Variants in LRRC57 observed in about 807,000 individuals in gnomAD.
The protein encoded by LRRC57 is leucine rich repeat containing 57, also known as leucine-rich repeat-containing protein 57.
LRRC57 carries 14 observed loss-of-function variants against 23.1 expected under a neutral mutation model. The observed-to-expected ratio is 0.61, with a 90% CI of 0.40 to 0.95. The LOEUF is 0.95. Ranked by LOEUF, LRRC57 falls within the 40% of genes least tolerant of loss-of-function variation. The pLI is 0.00. For synonymous variants in LRRC57, 106 were observed against 115.2 expected, an observed-to-expected ratio of 0.92 and a Z score of 0.51; for missense variants, 236 against 284.4, an observed-to-expected ratio of 0.83 and a Z score of 1.22.
chr15:42,541,005 C>T lies in LRRC57; in HGVS notation c.*3078G>A, dbSNP rs2057625956. 2 of 150,392 alleles carry T rather than the reference C, an allele frequency of 1.3e-5. No individual in the cohort carries two copies. The highest frequency in any genetic ancestry group is 3.9e-4 in the East Asian group (2 of 5,112). The allele number at this position is 150,392 out of a possible 1,614,324, so 9.3% of individuals were successfully genotyped here. A position where few individuals can be genotyped will look rare whatever the true frequency, so the allele number is the denominator to read the frequency against. ...CAAGATCGCACCACTGCACTCCAGC[C>T]TGGGTGAAAGAATGAGACTCCGTCT... is the stretch of plus-strand genomic sequence containing the variant. On this transcript the variant is annotated 3_prime_UTR_variant, in exon 6 of 6. Coordinates refer to ENST00000397130, the MANE Select transcript of LRRC57 (RefSeq NM_153260.3).
downstream of LRRC57, chr15:42,532,863 CTCTT>C (rs2057579489): frequency 6.6e-6 from 1 of 152,648 alleles, no homozygotes; most frequent in Non-Finnish European, 1.5e-5. Flanking sequence ...TGATTACACA[CTCTT>C]TCTCTTACCC....
chr15:42,528,753 T>G, the LRRC57 span, among the ~76,000 whole-genome samples: 42 of 152,118 alleles, frequency 2.8e-4, no homozygotes, highest in African/African-American at 9.9e-4. Flanking sequence ...GCCCAGCTAA[T>G]TTTTGTATTT....
At chr15:42,531,863 G>A in the LRRC57 span, 1 of 156,544 alleles carries the variant, frequency 6.4e-6, no homozygotes, top group Non-Finnish European at 1.4e-5. Context: ...TGTGGTTGAG[G>A]GAAGGACAAG....
chr15:42,536,147 T>C (rs879779159), downstream of LRRC57, among the ~76,000 whole-genome samples: 1 of 148,358 alleles, frequency 6.7e-6, no homozygotes, highest in Non-Finnish European at 1.5e-5. Flanking sequence ...CCATCGGTGA[T>C]CACAGATCAC....
intron 5 of LRRC57, 53 bp from the exon 6 acceptor site, chr15:42,544,177 A>G: frequency 7.0e-7 from 1 of 1,420,730 alleles, no homozygotes. Context: ...GTAAATAAAT[A>G]TAAGCCTAAC....
chr15:42,534,806 G>T (rs1458300065), downstream of LRRC57, among the ~76,000 whole-genome samples: 2 of 152,150 alleles, frequency 1.3e-5, no homozygotes, highest in East Asian at 3.9e-4. Context: ...ATTTTGAAAA[G>T]AATACTTTTT....
chr15:42,546,865 CCT>C (rs1026194102), intron 4 of LRRC57, among the ~76,000 whole-genome samples: 1 of 152,188 alleles, frequency 6.6e-6, no homozygotes, highest in Non-Finnish European at 1.5e-5. Context: ...AACTGAATTA[CCT>C]CTGACTCCCG....
In LRRC57 at chr15:42,548,705, A is replaced by C. The variant is rs369304796; in HGVS notation, c.-35T>G. 1 of 628,832 alleles carries C rather than the reference A, an allele frequency of 1.6e-6. No homozygotes were observed. The highest frequency in any genetic ancestry group is 2.0e-5 in the South Asian group (1 of 50,738). The allele number at this position is 628,832 out of a possible 1,614,324, so 39.0% of individuals were successfully genotyped here. A position where few individuals can be genotyped will look rare whatever the true frequency, so the allele number is the denominator to read the frequency against. ...GCCCCGGACTCGCCTCCCACCGCTC[A>C]GCTGCCGTAAGGCTCCGCAGGTGAA... is the stretch of plus-strand genomic sequence containing the variant. On this transcript the variant is annotated 5_prime_UTR_variant, in exon 1 of 6. Transcript: ENST00000397130.
downstream of LRRC57, among the ~76,000 whole-genome samples, chr15:42,537,161 T>C (rs2057604115): frequency 6.6e-6 from 1 of 151,794 alleles, no homozygotes; most frequent in African/African-American, 2.4e-5. Flanking sequence ...GGAGGATCAC[T>C]TGGGCTCAGG....
rs1414386999 is a variant in LRRC57 at position 42,538,693 on chromosome 15, T to G, written c.*5390A>C. On this transcript the variant is annotated 3_prime_UTR_variant, in exon 6 of 6. Coordinates refer to ENST00000397130, the MANE Select transcript of LRRC57 (RefSeq NM_153260.3). The stretch of plus-strand genomic sequence containing the variant: ...AGTGCTTACTCTGTCATGGCCACTA[T>G]GCTAAGTGCTTTTATATAGTTTTTT... The G allele has an allele frequency of 1.3e-5, 2 of 152,268 alleles. No individual in the cohort carries two copies. Among genetic ancestry groups the G allele is most frequent in the Non-Finnish European group, 2.9e-5 (2 of 68,052 alleles). 9.4% of individuals were successfully genotyped at this position (152,268 alleles called of 1,614,324 possible). A position where few individuals can be genotyped will look rare whatever the true frequency, so the allele number is the denominator to read the frequency against.
chr15:42,544,842 C>CACTATATATATATATATATATATATA, intron 5 of LRRC57, among the ~76,000 whole-genome samples: 4 of 98,034 alleles, frequency 4.1e-5, no homozygotes, highest in African/African-American at 2.7e-4. Context: ...CACACACACA[C>CACTATATATATATATATATATATATA]TATATATATA....
At position 42,548,708 on chromosome 15, in the gene LRRC57, T is replaced by G; in HGVS notation, c.-38A>C. On this transcript the variant is annotated 5_prime_UTR_variant, in exon 1 of 6. Coordinates refer to ENST00000397130, the MANE Select transcript of LRRC57 (RefSeq NM_153260.3). ...CCGGACTCGCCTCCCACCGCTCAGC[T>G]GCCGTAAGGCTCCGCAGGTGAAGAC... 1.6e-6 allele frequency: 1 copy of G among 631,800 alleles called. No homozygotes were observed. The highest frequency in any genetic ancestry group is 2.7e-6 in the Non-Finnish European group (1 of 365,758). 39.1% of individuals were successfully genotyped at this position (631,800 alleles called of 1,614,324 possible).
Position 42,547,245 on chromosome 15 carries a change from C to T in LRRC57, c.492+16G>A. Reference sequence around the variant, plus strand: ...CACACATATGCTGTAGGAAAAAAAACCTTAAAGCTCTAGACCTGATTCTGG... The same window carrying T: ...CACACATATGCTGTAGGAAAAAAAATCTTAAAGCTCTAGACCTGATTCTGG... On this transcript the variant is annotated intron_variant, in intron 4 of 5. Coordinates refer to ENST00000397130, the MANE Select transcript of LRRC57 (RefSeq NM_153260.3). The T allele has an allele frequency of 1.2e-6, 2 of 1,609,556 alleles. No individual in the cohort carries two copies. The highest frequency in any genetic ancestry group is 1.7e-6 in the Non-Finnish European group (2 of 1,177,726).
At position 42,540,247 on chromosome 15, in the gene LRRC57, T is replaced by G. The variant is rs2057622185; in HGVS notation, c.*3836A>C. 1.3e-5 allele frequency: 2 copies of G among 150,142 alleles called. No individual in the cohort carries two copies. The allele number at this position is 150,142 out of a possible 1,614,324, so 9.3% of individuals were successfully genotyped here. A position where few individuals can be genotyped will look rare whatever the true frequency, so the allele number is the denominator to read the frequency against. On this transcript the variant is annotated 3_prime_UTR_variant, in exon 6 of 6. Transcript: ENST00000397130. ...ACTGAGTGAACAATACAGTTGGCCC[T>G]AAGTATCCATGGGTTCCACATCTGT...
At chr15:42,547,209 G>A in intron 4 of LRRC57, 52 bp downstream of exon 4, 1 of 1,570,362 alleles carries the variant, frequency 6.4e-7, no homozygotes, top group Non-Finnish European at 8.6e-7. Context: ...GGTATCAGGA[G>A]ACCTTAAAGC....
At chr15:42,531,103 T>C in the LRRC57 span, among the ~76,000 whole-genome samples, 3 of 152,206 alleles carry the variant, frequency 2.0e-5, no homozygotes, top group Non-Finnish European at 4.4e-5. Flanking sequence ...TCATATTTCA[T>C]TGCATCAAAA....
In LRRC57 at chr15:42,547,741, T is replaced by C. The variant is rs543985173; in HGVS notation, c.224-212A>G. The C allele has an allele frequency of 5.2e-6, 3 of 573,892 alleles. No homozygotes were observed. In the South Asian group the frequency reaches 7.3e-5, roughly 14 times the overall value. The allele number at this position is 573,892 out of a possible 1,614,324, so 35.5% of individuals were successfully genotyped here. A position where few individuals can be genotyped will look rare whatever the true frequency, so the allele number is the denominator to read the frequency against. ...TGCCGGAGAGCATTTGTGTGTATAA[T>C]GGGCTCCTTTTGTAAAGGGGCCCAA... is the stretch of plus-strand genomic sequence containing the variant. On this transcript the variant is annotated intron_variant, in intron 3 of 5. Transcript: ENST00000397130.
Position 42,548,774 on chromosome 15 carries a change from C to G in LRRC57, c.-104G>C. The G allele has an allele frequency of 1.1e-6, 1 of 874,120 alleles. No individual in the cohort carries two copies. The highest frequency in any genetic ancestry group is 1.8e-6 in the Non-Finnish European group (1 of 565,106). 54.1% of individuals were successfully genotyped at this position (874,120 alleles called of 1,614,324 possible). ...GCCGGGATGCGCTCCCCGGCTTAGT[C>G]CCGGGCGGGAACGCCCTGTGACGTC... On this transcript the variant is annotated 5_prime_UTR_variant, in exon 1 of 6. Coordinates refer to ENST00000397130, the MANE Select transcript of LRRC57 (RefSeq NM_153260.3).
chr15:42,531,973 T>C, the LRRC57 span: 1 of 152,478 alleles, frequency 6.6e-6, no homozygotes, highest in South Asian at 2.1e-4. Context: ...TTGATTTAAG[T>C]TGCAGTTATA....
Sources: gnomAD v4.1 joint callset for allele counts (sites outside exome capture counted in the v4.1 genomes callset) on GRCh38, gnomAD v4.1.1 for gene constraint, MANE v1.5 for transcripts, NCBI Gene and HGNC (gene_info 2026-07-23, HGNC 2026-07-21) for gene names.